Variants in PSD3 observed in about 807,000 individuals in gnomAD.
The protein encoded by PSD3 is PH and SEC7 domain-containing protein 3.
Under a neutral mutation model 105.5 loss-of-function variants are expected in PSD3, and 49 were observed. The observed-to-expected ratio is 0.46, with a 90% CI of 0.37 to 0.59. PSD3 has a LOEUF of 0.59. PSD3 is among the 20% of genes least tolerant of loss of function. The pLI is 0.00. For synonymous variants in PSD3, 557 were observed against 457.8 expected (o/e 1.22, Z -2.77); for missense variants, 1,561 against 1,263.8 (o/e 1.24, Z -3.57).
intron 1 of PSD3, among the ~76,000 whole-genome samples, chr8:18,936,528 C>T (rs1418457011): frequency 6.6e-6 from 1 of 152,102 alleles, no homozygotes; most frequent in African/African-American, 2.4e-5. Flanking sequence ...CTTTGGGAGG[C>T]CAAAGCAGGT....
Position 18,673,860 on chromosome 8 carries a change from AG to A in PSD3, c.2173-18176del, listed in dbSNP as rs548579179. ...AAGAACAGAAAATTGTAGGGCGGGCAGGGGGGCATGCTGGCTCATACCTGTA... is the reference window on the plus strand; with the variant it reads ...AAGAACAGAAAATTGTAGGGCGGGCAGGGGGCATGCTGGCTCATACCTGTA... On this transcript the variant is annotated intron_variant, in intron 9 of 15. Transcript: ENST00000327040. 6.2e-3 allele frequency among the ~76,000 whole-genome samples: 951 copies of A among 152,214 alleles called. 9 individuals are homozygous for A. The highest frequency in any genetic ancestry group is 0.022 in the African/African-American group (898 of 41,556).
chr8:18,616,668 G>C (rs888960221), intron 11 of PSD3, among the ~76,000 whole-genome samples: 9 of 131,324 alleles, frequency 6.9e-5, no homozygotes, highest in African/African-American at 2.0e-4. Flanking sequence ...CTGTCGCCCA[G>C]GCTGGAGTGC....
chr8:18,554,451 C>T (rs928455580), intron 15 of PSD3, among the ~76,000 whole-genome samples: 7 of 152,088 alleles, frequency 4.6e-5, no homozygotes, highest in Admixed American at 2.0e-4. Flanking sequence ...TGCTAAGAAA[C>T]GTTTACCTTT....
chr8:19,042,202 T>C (rs1278986049), intron 1 of PSD3, among the ~76,000 whole-genome samples: 3 of 152,182 alleles, frequency 2.0e-5, no homozygotes, highest in African/African-American at 7.2e-5. Context: ...ACATATGATA[T>C]TTTGTCCCTG....
rs768812487 is a variant in PSD3, at chr8:18,867,695, G to A, written c.1613C>T (p.Pro538Leu). The A allele has an allele frequency of 1.6e-5, 25 of 1,612,130 alleles. No homozygotes were observed. The highest frequency in any genetic ancestry group is 1.3e-4 in the East Asian group (6 of 44,856). The change falls in exon 4 of 16, where the codon CCG becomes CTG. Residue 538 changes from proline (P) to leucine (L), a missense_variant. Pro to Leu is a moderately conservative substitution (Grantham distance 98, BLOSUM62 -3). Transcript: ENST00000327040. Reference sequence around the variant, plus strand: ...GTACCTTCCCCAGAAAGCAATCTCCGGGGTGCCTTTCGTGTAGATGGAGTC... The same window carrying A: ...GTACCTTCCCCAGAAAGCAATCTCCAGGGTGCCTTTCGTGTAGATGGAGTC... ...ASDSIYTKGT[P>L]EIAFWGSNAG...
chr8:18,667,694 A>C (rs1281151647), intron 9 of PSD3, among the ~76,000 whole-genome samples: 1 of 152,178 alleles, frequency 6.6e-6, no homozygotes, highest in Non-Finnish European at 1.5e-5. Flanking sequence ...CTCAGCCCTT[A>C]GGCAGCTGAT....
chr8:18,922,748 G>A (rs1208693640), intron 2 of PSD3, among the ~76,000 whole-genome samples: 1 of 152,080 alleles, frequency 6.6e-6, no homozygotes, highest in Non-Finnish European at 1.5e-5. Flanking sequence ...CCCTCCTTGG[G>A]TTCGATTAAT....
intron 9 of PSD3, among the ~76,000 whole-genome samples, chr8:18,661,064 T>C (rs1207184621): frequency 6.6e-6 from 1 of 152,230 alleles, no homozygotes; most frequent in Non-Finnish European, 1.5e-5. Context: ...GAAGCTTTTC[T>C]ACATTACCAT....
chr8:18,840,537 A>G (rs1377081928), intron 4 of PSD3, among the ~76,000 whole-genome samples: 1 of 152,270 alleles, frequency 6.6e-6, no homozygotes, highest in African/African-American at 2.4e-5. Context: ...GGTTGGTCTA[A>G]GACGTTTACA....
chr8:18,914,244 T>C (rs1257859870), intron 2 of PSD3, among the ~76,000 whole-genome samples: 1 of 147,252 alleles, frequency 6.8e-6, no homozygotes, highest in Admixed American at 6.8e-5. Flanking sequence ...AAAGAAGGAA[T>C]GTACCTCAAC....
At chr8:18,968,127 G>T (rs1406940338) in intron 1 of PSD3, among the ~76,000 whole-genome samples, 1 of 152,104 alleles carries the variant, frequency 6.6e-6, no homozygotes, top group African/African-American at 2.4e-5. Flanking sequence ...TCCTGAAATT[G>T]CCAGAGAAGG....
At chr8:18,936,201 TAAAAC>T (rs1822123855) in intron 1 of PSD3, 59 bp from the exon 2 acceptor site, 2 of 1,076,798 alleles carry the variant, frequency 1.9e-6, no homozygotes, top group South Asian at 2.6e-5. Context: ...AAACACATCA[TAAAAC>T]AAATTATCCA....
intron 2 of PSD3, among the ~76,000 whole-genome samples, chr8:18,927,775 A>G (rs1474887872): frequency 5.3e-5 from 8 of 152,222 alleles, no homozygotes; most frequent in Non-Finnish European, 1.0e-4. Flanking sequence ...ATCAGTCAAC[A>G]TATGAGCACA....
chr8:18,809,007 G>C (rs1811448641), intron 4 of PSD3: 1 of 1,151,568 alleles, frequency 8.7e-7, no homozygotes, highest in Non-Finnish European at 1.2e-6. Flanking sequence ...CAGAACACAA[G>C]GGCCACTGTC....
intron 1 of PSD3, chr8:18,989,522 A>C (rs1439437780): frequency 1.3e-5 from 2 of 152,244 alleles, no homozygotes; most frequent in East Asian, 3.8e-4. Context: ...TAGCAAGTAT[A>C]GGTTAGATGA....
At chr8:18,570,642 C>T (rs1314177047) in intron 14 of PSD3, among the ~76,000 whole-genome samples, 2 of 146,200 alleles carry the variant, frequency 1.4e-5, no homozygotes, top group African/African-American at 2.5e-5. Context: ...AACAAACAAC[C>T]CCATCAAAAA....
rs149153014 is a variant in PSD3, at chr8:18,960,896, G to A, written c.22-24754C>T. Reference sequence around the variant, plus strand: ...GCACAGGAGTTTGAGATCAGCCTGGGCAACGTGGTAAAACTCCATCTCTAC... The same window carrying A: ...GCACAGGAGTTTGAGATCAGCCTGGACAACGTGGTAAAACTCCATCTCTAC... On this transcript the variant is annotated intron_variant, in intron 1 of 15. Transcript: ENST00000327040. Among the ~76,000 whole-genome samples, 495 of 152,124 alleles carry A rather than the reference G, an allele frequency of 3.3e-3. 3 individuals are homozygous for A. Among genetic ancestry groups the A allele is most frequent in the African/African-American group, 0.011 (469 of 41,482 alleles).
At chr8:18,614,721 C>G (rs935957780) in intron 11 of PSD3, among the ~76,000 whole-genome samples, 1 of 152,186 alleles carries the variant, frequency 6.6e-6, no homozygotes, top group East Asian at 1.9e-4. Flanking sequence ...CTCCAATTGC[C>G]AGGCTCAAGC....
intron 11 of PSD3, among the ~76,000 whole-genome samples, chr8:18,614,838 G>A (rs1347673741): frequency 6.7e-6 from 1 of 149,682 alleles, no homozygotes; most frequent in Non-Finnish European, 1.5e-5. Flanking sequence ...GTCTTGCAAT[G>A]TTGCCCCGGC....
Sources: gnomAD v4.1 joint callset for allele counts (sites outside exome capture counted in the v4.1 genomes callset) on GRCh38, gnomAD v4.1.1 for gene constraint, MANE v1.5 for transcripts, NCBI Gene and HGNC (gene_info 2026-07-23, HGNC 2026-07-21) for gene names.